Variants in USF2 observed in about 807,000 individuals in gnomAD.
USF2 encodes upstream stimulatory factor 2.
In USF2, 16 loss-of-function variants were observed where a neutral mutation model predicts 46.9. The ratio of observed to expected loss-of-function variants is 0.34; its 90% CI spans 0.23 to 0.52. USF2 has a LOEUF of 0.52. Ranked by LOEUF, USF2 falls within the 20% of genes least tolerant of loss-of-function variation. The probability of loss-of-function intolerance (pLI) is 0.96; values close to 1 mark genes in which losing one functional copy is unlikely to be tolerated. For synonymous variants in USF2, 239 were observed against 194.1 expected (o/e 1.23, Z -1.92); for missense variants, 411 against 474.0 (o/e 0.87, Z 1.23).
intron 7 of USF2, chr19:35,277,576 C>T (rs1448540646): frequency 6.6e-6 from 1 of 152,246 alleles, no homozygotes; most frequent in Non-Finnish European, 1.5e-5. Context: ...TTCTCAGGCT[C>T]ACTGGACCCC....
Position 35,270,468 on chromosome 19 carries a change from A to T in USF2, c.451A>T (p.Ser151Cys). The T allele has an allele frequency of 6.2e-7, 1 of 1,613,664 alleles. No individual in the cohort carries two copies. Among genetic ancestry groups the T allele is most frequent in the Non-Finnish European group, 8.5e-7 (1 of 1,179,910 alleles). Residue 151 changes from serine (S) to cysteine (C), a missense_variant, in exon 5 of 10, where the codon AGC (serine) becomes TGC (cysteine). Ser to Cys is a moderately radical substitution (Grantham distance 112, BLOSUM62 -1). This residue lies in a region of USF2 where 318 missense variants were observed against 322.4 expected (regional missense o/e 0.99). Coordinates refer to ENST00000222305, the MANE Select transcript of USF2 (RefSeq NM_003367.4). ...CCAGGCTGTGATCCAAAATCCCTTC[A>T]GCAATGGTGGCAGTCCGGCGGCCGA... ...FPLAVIQNPFSNGGSPAAEAV... is the reference protein window; with the variant it reads ...FPLAVIQNPFCNGGSPAAEAV...
chr19:35,278,031 G>C (rs1422733298), intron 7 of USF2: 3 of 152,250 alleles, frequency 2.0e-5, no homozygotes, highest in African/African-American at 7.2e-5. Context: ...TGCCATCTCT[G>C]GCCTTCAACA....
At chr19:35,272,164 A>G (rs1322194026) in intron 7 of USF2, among the ~76,000 whole-genome samples, 1 of 152,122 alleles carries the variant, frequency 6.6e-6, no homozygotes, top group Non-Finnish European at 1.5e-5. Flanking sequence ...TACTACGACC[A>G]GCCCCCCTTT....
Position 35,279,382 on chromosome 19 carries a change from C to CA in USF2, c.*132dup, listed in dbSNP as rs781114113. The CA allele has an allele frequency of 1.6e-5, 17 of 1,073,870 alleles. No individual in the cohort carries two copies. Among genetic ancestry groups the CA allele is most frequent in the Admixed American group, 3.4e-5 (1 of 29,258 alleles). The allele number at this position is 1,073,870 out of a possible 1,614,324, so 66.5% of individuals were successfully genotyped here. A position where few individuals can be genotyped will look rare whatever the true frequency, so the allele number is the denominator to read the frequency against. On this transcript the variant is annotated 3_prime_UTR_variant, in exon 10 of 10. Coordinates refer to ENST00000222305, the MANE Select transcript of USF2 (RefSeq NM_003367.4). ...GCGTTTTTTTATAGTAGATTTTTAA[C>CA]AAAAAACGGGGAGAAATAATGCATT... is the stretch of plus-strand genomic sequence containing the variant.
intron 7 of USF2, among the ~76,000 whole-genome samples, chr19:35,273,360 C>T (rs954178989): frequency 6.6e-6 from 1 of 152,190 alleles, no homozygotes; most frequent in Non-Finnish European, 1.5e-5. Flanking sequence ...CTGTTCCTTT[C>T]TGGAATCTTC....
At chr19:35,277,767 T>C (rs2066254551) in intron 7 of USF2, 1 of 152,280 alleles carries the variant, frequency 6.6e-6, no homozygotes, top group African/African-American at 2.4e-5. Flanking sequence ...TTCTTTCCTG[T>C]CCCCACGGTG....
intron 7 of USF2, among the ~76,000 whole-genome samples, chr19:35,274,519 T>A (rs1293829888): frequency 6.6e-6 from 1 of 152,150 alleles, no homozygotes; most frequent in African/African-American, 2.4e-5. Flanking sequence ...TGGCTGGGTG[T>A]GGTGGCTCCC....
rs560539844 is a variant in USF2 at position 35,279,479 on chromosome 19, C to T, written c.*223C>T. 4.3e-5 allele frequency: 23 copies of T among 529,448 alleles called. No individual in the cohort carries two copies. The highest frequency in any genetic ancestry group is 1.8e-4 in the African/African-American group (9 of 50,294). 32.8% of individuals were successfully genotyped at this position (529,448 alleles called of 1,614,324 possible). ...CCTCCCTGCCCATCCGTCTGTCTGTCGCCCTTCTCCCGGCCCTCACTAAGC... is the reference window on the plus strand; with the variant it reads ...CCTCCCTGCCCATCCGTCTGTCTGTTGCCCTTCTCCCGGCCCTCACTAAGC... On this transcript the variant is annotated 3_prime_UTR_variant, in exon 10 of 10. Transcript: ENST00000222305.
chr19:35,270,918 T>G, intron 6 of USF2, 113 bp downstream of exon 6: 1 of 1,469,376 alleles, frequency 6.8e-7, no homozygotes, highest in Non-Finnish European at 9.5e-7. Context: ...ATGTTTTTTT[T>G]CTTTGCCTGT....
chr19:35,272,673 G>C (rs552266393), intron 7 of USF2, among the ~76,000 whole-genome samples: 2 of 152,122 alleles, frequency 1.3e-5, no homozygotes, highest in East Asian at 3.9e-4. Flanking sequence ...TGTGGAGGCT[G>C]TTGGCAAGAG....
intron 1 of USF2, 77 bp downstream of exon 1, chr19:35,269,240 A>G: frequency 1.5e-5 from 14 of 939,442 alleles, no homozygotes; most frequent in Non-Finnish European, 1.6e-5. Context: ...CGGGGCCGCC[A>G]TGATCCCGAG....
chr19:35,273,043 AC>A (rs1325207266), intron 7 of USF2, among the ~76,000 whole-genome samples: 1 of 149,432 alleles, frequency 6.7e-6, no homozygotes, highest in African/African-American at 2.5e-5. Context: ...AGGACTCAGA[AC>A]CCTCCCACCC....
chr19:35,272,033 T>C (rs1261183381), intron 7 of USF2, among the ~76,000 whole-genome samples: 1 of 152,168 alleles, frequency 6.6e-6, no homozygotes, highest in Non-Finnish European at 1.5e-5. Context: ...AGGCCTCGAA[T>C]GCCCGAGTGA....
Position 35,279,127 on chromosome 19 carries a change from G to T in USF2, c.952-40G>T, listed in dbSNP as rs538120535. 70 of 1,612,476 alleles carry T rather than the reference G, an allele frequency of 4.3e-5. No individual in the cohort carries two copies. In the South Asian group the frequency reaches 7.3e-4, roughly 17 times the overall value. On this transcript the variant is annotated intron_variant, in intron 9 of 9. Coordinates refer to ENST00000222305, the MANE Select transcript of USF2 (RefSeq NM_003367.4). ...GGCCCAGGAGCCCCAGATGCAAGGC[G>T]CTGGCCCTCAGCTCCCTTGACCTCC... is the stretch of plus-strand genomic sequence containing the variant.
At chr19:35,275,553 A>G (rs1354571598) in intron 7 of USF2, 1 of 151,562 alleles carries the variant, frequency 6.6e-6, no homozygotes, top group Non-Finnish European at 1.5e-5. Flanking sequence ...TAGAGTTGCC[A>G]GTTCACTCCA....
intron 7 of USF2, among the ~76,000 whole-genome samples, chr19:35,274,578 G>C (rs2066206019): frequency 6.6e-6 from 1 of 152,182 alleles, no homozygotes; most frequent in Non-Finnish European, 1.5e-5. Context: ...AAGACGGACG[G>C]ATCACTTGAG....
chr19:35,270,835 G>C (rs773767722), intron 6 of USF2, 30 bp downstream of exon 6: 1 of 1,613,148 alleles, frequency 6.2e-7, no homozygotes, highest in African/African-American at 1.3e-5. Context: ...GGAGGGCCTG[G>C]TGTTGAAATG....
intron 7 of USF2, among the ~76,000 whole-genome samples, chr19:35,274,530 GC>G (rs2145578191): frequency 6.6e-6 from 1 of 152,260 alleles, no homozygotes; most frequent in African/African-American, 2.4e-5. Flanking sequence ...GGTGGCTCCC[GC>G]CCGGAATCCC....
At chr19:35,269,384 CGCGGGG>C (rs999196682) in intron 1 of USF2, 56 bp from the exon 2 acceptor site, 304 of 1,292,124 alleles carry the variant, frequency 2.4e-4, no homozygotes, top group Non-Finnish European at 2.8e-4. Context: ...TGCAGCTGGG[CGCGGGG>C]GCGGGGGCGC....
Sources: allele counts gnomAD v4.1 joint callset (sites outside exome capture counted in the v4.1 genomes callset), GRCh38; gene constraint gnomAD v4.1.1; regional missense constraint gnomAD v4.1.1; transcripts MANE v1.5; gene names NCBI Gene and HGNC (gene_info 2026-07-23, HGNC 2026-07-21).